MCM9: variants seen among roughly 807,000 people sequenced by gnomAD.
The protein encoded by MCM9 is minichromosome maintenance 9 homologous recombination repair factor.
A neutral mutation model predicts 72.8 loss-of-function variants in MCM9; 55 were observed. The ratio of observed to expected loss-of-function variants is 0.76; its 90% CI spans 0.61 to 0.95. MCM9 has a LOEUF of 0.95. MCM9 is among the 40% of genes least tolerant of loss of function. The pLI is 0.00. For synonymous variants in MCM9, 480 were observed against 503.4 expected, an observed-to-expected ratio of 0.95 and a Z score of 0.62; for missense variants, 1,279 against 1,377.0, an observed-to-expected ratio of 0.93 and a Z score of 1.13.
intron 13 of MCM9, among the ~76,000 whole-genome samples, chr6:118,820,360 T>C (rs537108509): frequency 8.6e-4 from 131 of 152,344 alleles, no homozygotes; most frequent in Non-Finnish European, 1.5e-3. Context: ...TATTTATTTC[T>C]GCCTTAATTT....
chr6:118,826,762 G>A lies in MCM9; in HGVS notation c.1815+20C>T. 6.6e-7 allele frequency: 1 copy of A among 1,509,910 alleles called. No homozygotes were observed. 93.5% of individuals were successfully genotyped at this position (1,509,910 alleles called of 1,614,324 possible). ...AAGTTTGTAATTAGGATAAAAATTA[G>A]GTACACAAAATATCCTTACCTGCAT... On this transcript the variant is annotated intron_variant, in intron 12 of 13. Coordinates refer to ENST00000619706, the MANE Select transcript of MCM9 (RefSeq NM_017696.3).
Position 118,815,481 on chromosome 6 carries a change from G to GA in MCM9, c.2774dup (p.Lys926GlnfsTer11). 1 of 1,547,946 alleles carries GA rather than the reference G, an allele frequency of 6.5e-7. No homozygotes were observed. Among genetic ancestry groups the GA allele is most frequent in the Admixed American group, 2.0e-5 (1 of 50,396 alleles). On this transcript the variant is annotated frameshift_variant, in exon 14 of 14. Transcript: ENST00000619706. LOFTEE classifies it low-confidence loss of function (END_TRUNC). ...AGTGGATCAGTTTTGACTTCTGCTT[G>GA]AAAGTAAATTTTGCCAGTTTGGCCA...
chr6:118,875,397 A>G (rs1372247534), intron 8 of MCM9, among the ~76,000 whole-genome samples: 1 of 152,136 alleles, frequency 6.6e-6, no homozygotes, highest in Non-Finnish European at 1.5e-5. Flanking sequence ...GCATTTTGGG[A>G]AGCCAAAGCA....
chr6:118,895,282 G>T (rs1779311321), intron 8 of MCM9, among the ~76,000 whole-genome samples: 1 of 152,078 alleles, frequency 6.6e-6, no homozygotes, highest in African/African-American at 2.4e-5. Flanking sequence ...GATGCGCCGG[G>T]ATGCTGGCGC....
chr6:118,829,301 C>T, intron 9 of MCM9, 51 bp from the exon 10 acceptor site: 1 of 1,481,354 alleles, frequency 6.8e-7, no homozygotes, highest in Non-Finnish European at 9.1e-7. Context: ...AGATAAAATG[C>T]AAGATTACAG....
chr6:118,879,248 G>GA (rs36165777), intron 8 of MCM9, among the ~76,000 whole-genome samples: 133 of 145,232 alleles, frequency 9.2e-4, no homozygotes, highest in Admixed American at 3.7e-3. Context: ...AATGGAGGGG[G>GA]AAAAAAAAAA....
chr6:118,900,515 G>C (rs1291438595), intron 8 of MCM9, among the ~76,000 whole-genome samples: 1 of 152,156 alleles, frequency 6.6e-6, no homozygotes, highest in Non-Finnish European at 1.5e-5. Flanking sequence ...CCAAGTGTTT[G>C]GCTATGTTAT....
chr6:118,819,216 T>G (rs1773622218), intron 13 of MCM9, among the ~76,000 whole-genome samples: 1 of 152,220 alleles, frequency 6.6e-6, no homozygotes, highest in African/African-American at 2.4e-5. Context: ...AGGGGAATGC[T>G]TCCAGCTTTT....
intron 8 of MCM9, among the ~76,000 whole-genome samples, chr6:118,884,260 A>G (rs567695899): frequency 4.0e-4 from 61 of 152,302 alleles, no homozygotes; most frequent in African/African-American, 1.3e-3. Context: ...TTGTGTTTGT[A>G]ACATATACAG....
intron 8 of MCM9, among the ~76,000 whole-genome samples, chr6:118,897,598 AT>A (rs1779514775): frequency 6.6e-6 from 1 of 152,088 alleles, no homozygotes; most frequent in African/African-American, 2.4e-5. Context: ...AAGTAGTGTA[AT>A]TAGCTAAAAA....
At chr6:118,825,916 A>G (rs949889217) in intron 13 of MCM9, among the ~76,000 whole-genome samples, 2 of 152,158 alleles carry the variant, frequency 1.3e-5, no homozygotes, top group Non-Finnish European at 2.9e-5. Flanking sequence ...AAAAGTGAAC[A>G]CTAAAATGCT....
chr6:118,903,444 G>A (rs1779942319), intron 8 of MCM9, among the ~76,000 whole-genome samples: 1 of 151,916 alleles, frequency 6.6e-6, no homozygotes, highest in Non-Finnish European at 1.5e-5. Context: ...TGAGCCACAC[G>A]AGATTATAAA....
At chr6:118,834,699 G>GT (rs1441914108) in intron 9 of MCM9, among the ~76,000 whole-genome samples, 5 of 150,918 alleles carry the variant, frequency 3.3e-5, no homozygotes, top group African/African-American at 1.2e-4. Flanking sequence ...TTTTTGATGT[G>GT]GTTTTTTTTT....
intron 8 of MCM9, among the ~76,000 whole-genome samples, chr6:118,881,397 C>T (rs1260197082): frequency 6.6e-6 from 1 of 152,120 alleles, no homozygotes; most frequent in Non-Finnish European, 1.5e-5. Flanking sequence ...TTCCAAAAAA[C>T]AGCACTCATC....
intron 9 of MCM9, among the ~76,000 whole-genome samples, chr6:118,835,955 G>C (rs1326224906): frequency 6.6e-6 from 1 of 152,156 alleles, no homozygotes; most frequent in African/African-American, 2.4e-5. Context: ...TCCAGCTTTT[G>C]CCCATTCAGT....
intron 8 of MCM9, chr6:118,900,989 T>G (rs1779765517): frequency 2.7e-6 from 2 of 747,088 alleles, no homozygotes; most frequent in Non-Finnish European, 4.6e-6. Flanking sequence ...AAGAACTGCT[T>G]CTGCTGCATT....
intron 3 of MCM9, among the ~76,000 whole-genome samples, chr6:118,927,838 G>C (rs1289297647): frequency 6.6e-6 from 1 of 152,150 alleles, no homozygotes; most frequent in Non-Finnish European, 1.5e-5. Context: ...ATCTTAGAAT[G>C]GAAGAATAAA....
chr6:118,926,162 T>C (rs1183814507), intron 3 of MCM9, among the ~76,000 whole-genome samples: 2 of 152,190 alleles, frequency 1.3e-5, no homozygotes, highest in Admixed American at 1.3e-4. Flanking sequence ...ATTCTGGAAA[T>C]TTCACACGTA....
At chr6:118,873,612 T>G (rs1293919463) in intron 8 of MCM9, among the ~76,000 whole-genome samples, 2 of 152,236 alleles carry the variant, frequency 1.3e-5, no homozygotes, top group East Asian at 3.8e-4. Context: ...TTATATCTAC[T>G]AATGATGTTG....
Sources: gnomAD v4.1 joint callset for allele counts (sites outside exome capture counted in the v4.1 genomes callset) on GRCh38, gnomAD v4.1.1 for gene constraint, MANE v1.5 for transcripts, NCBI Gene and HGNC (gene_info 2026-07-23, HGNC 2026-07-21) for gene names.